TM4SF5: variants seen among roughly 807,000 people sequenced by gnomAD.
TM4SF5 encodes the protein transmembrane 4 L six family member 5.
Under a neutral mutation model 22.3 loss-of-function variants are expected in TM4SF5, and 16 were observed. The observed-to-expected ratio is 0.72, with a 90% CI of 0.49 to 1.09. The LOEUF (loss-of-function observed/expected upper bound fraction) is 1.09, where lower values mean the gene tolerates loss of function less well. Among genes scored for constraint, TM4SF5 ranks in the 50% least tolerant of loss-of-function variants. TM4SF5 has a pLI of 0.00. For missense variants in TM4SF5, 249 were observed against 266.1 expected (o/e 0.94, Z 0.45); for synonymous variants, 113 against 109.6 (o/e 1.03, Z -0.19).
intron 1 of TM4SF5, among the ~76,000 whole-genome samples, chr17:4,775,095 G>A (rs908083611): frequency 4.0e-5 from 6 of 151,286 alleles, no homozygotes; most frequent in African/African-American, 1.5e-4. Context: ...AGCCTAAGGT[G>A]GGAACAAGCT....
At chr17:4,781,549 T>C (rs1315537684) in intron 2 of TM4SF5, among the ~76,000 whole-genome samples, 1 of 152,104 alleles carries the variant, frequency 6.6e-6, no homozygotes, top group East Asian at 1.9e-4. Context: ...ATAGTCTTGG[T>C]CTGTCACCCA....
At position 4,780,779 on chromosome 17, in the gene TM4SF5, T is replaced by A. The variant is rs371683186; in HGVS notation, c.178-10T>A. 1 of 1,606,774 alleles carries A rather than the reference T, an allele frequency of 6.2e-7. No homozygotes were observed. The highest frequency in any genetic ancestry group is 1.1e-5 in the South Asian group (1 of 89,462). On this transcript the variant is annotated splice_polypyrimidine_tract_variant and intron_variant, in intron 1 of 4. Transcript: ENST00000270560. ...GGGGACGTGCTATAACAATGACTCTTGTCCCACAGGTACTGTGTCCGGGGA... is the reference window on the plus strand; with the variant it reads ...GGGGACGTGCTATAACAATGACTCTAGTCCCACAGGTACTGTGTCCGGGGA...
At position 4,782,867 on chromosome 17, in the gene TM4SF5, C is replaced by T. The variant is rs756780785; in HGVS notation, c.409C>T (p.Leu137Phe). 1.2e-6 allele frequency: 2 copies of T among 1,612,850 alleles called. No individual in the cohort carries two copies. Among genetic ancestry groups the T allele is most frequent in the Non-Finnish European group, 1.7e-6 (2 of 1,179,346 alleles). Residue 137 changes from leucine to phenylalanine, a missense_variant, in exon 4 of 5, where the codon CTC becomes TTC. Leu to Phe is a conservative substitution (Grantham distance 22). Transcript: ENST00000270560. Reference sequence around the variant, plus strand: ...CCCCTCCCACAGGGGAGCTTACTTGCTCAACCGCACTCTATGGGATCGGTG... The same window carrying T: ...CCCCTCCCACAGGGGAGCTTACTTGTTCAACCGCACTCTATGGGATCGGTG... The part of the protein sequence containing the change: ...HFEDTAGAYL[L>F]NRTLWDRCEA...
At chr17:4,780,729 T>A in intron 1 of TM4SF5, 60 bp from the exon 2 acceptor site, 2 of 1,444,978 alleles carry the variant, frequency 1.4e-6, no homozygotes, top group Non-Finnish European at 1.9e-6. Context: ...TAGGCACTGA[T>A]GCAAGTCAGG....
chr17:4,777,145 C>A (rs906481844), intron 1 of TM4SF5, among the ~76,000 whole-genome samples: 1 of 149,382 alleles, frequency 6.7e-6, no homozygotes, highest in East Asian at 2.0e-4. Context: ...TACAGTGAGC[C>A]GAGATCATGC....
chr17:4,773,951 T>C (rs111452217), intron 1 of TM4SF5, among the ~76,000 whole-genome samples: 21,679 of 152,198 alleles, frequency 0.14, 1,692 homozygotes, highest in Admixed American at 0.18. Context: ...CATGGTGGCT[T>C]ACGCCTGTAA....
At position 4,782,538 on chromosome 17, in the gene TM4SF5, G is replaced by A. The variant is rs779976260; in HGVS notation, c.294G>A (p.Val98=). The A allele has an allele frequency of 1.2e-5, 19 of 1,613,994 alleles. No individual in the cohort carries two copies. The highest frequency in any genetic ancestry group is 3.3e-5 in the Admixed American group (2 of 59,982). ...CGGTCTTCTCCTCGGCGTTCGGGGT[G>A]CTTGGTGCCATCTACTGCCTCTCGG... ...LRSVFSSAFG[V]LGAIYCLSVS... The change falls in exon 3 of 5, where the codon GTG becomes GTA. Residue 98 remains valine (V), a synonymous_variant. Coordinates refer to ENST00000270560, the MANE Select transcript of TM4SF5 (RefSeq NM_003963.3).
intron 1 of TM4SF5, among the ~76,000 whole-genome samples, chr17:4,780,034 T>G (rs1230512000): frequency 1.3e-5 from 2 of 151,566 alleles, no homozygotes; most frequent in African/African-American, 4.9e-5. Context: ...TTATAAATAT[T>G]GAGTTACTCT....
At chr17:4,782,760 C>T (rs771398660) in intron 3 of TM4SF5, 94 bp from the exon 4 acceptor site, 4 of 1,570,700 alleles carry the variant, frequency 2.5e-6, no homozygotes, top group Non-Finnish European at 3.5e-6. Flanking sequence ...CGTGGGCTAC[C>T]TGGGCCTTAG....
chr17:4,782,057 A>G lies in TM4SF5; in HGVS notation c.259-446A>G, dbSNP rs73339952. ...TCCATAGAGAGTGCTGTGGTTCTGC[A>G]AGGACAGGTGCAGAAACAGAGTCCG... On this transcript the variant is annotated intron_variant, in intron 2 of 4. Transcript: ENST00000270560. 4.3e-3 allele frequency among the ~76,000 whole-genome samples: 653 copies of G among 150,174 alleles called. 6 individuals carry two copies. Among genetic ancestry groups the G allele is most frequent in the African/African-American group, 0.014 (576 of 40,986 alleles).
Position 4,782,445 on chromosome 17 carries a change from C to G in TM4SF5, c.259-58C>G, listed in dbSNP as rs1311955268. The G allele has an allele frequency of 6.9e-6, 11 of 1,599,270 alleles. No individual in the cohort carries two copies. In the South Asian group the frequency reaches 1.2e-4, roughly 18 times the overall value. On this transcript the variant is annotated intron_variant, in intron 2 of 4. Transcript: ENST00000270560. The stretch of plus-strand genomic sequence containing the variant: ...ATAATGCGTGGGGGCTGGCGCTGAG[C>G]GTCGTCACCCACAGGTGGGGAGATT...
intron 1 of TM4SF5, among the ~76,000 whole-genome samples, chr17:4,779,337 G>A (rs1917258941): frequency 6.6e-6 from 1 of 152,144 alleles, no homozygotes; most frequent in South Asian, 2.1e-4. Context: ...GCTGAGGCAG[G>A]AGGATCACTT....
chr17:4,776,182 G>A (rs1255612757), intron 1 of TM4SF5, among the ~76,000 whole-genome samples: 1 of 152,102 alleles, frequency 6.6e-6, no homozygotes, highest in East Asian at 1.9e-4. Flanking sequence ...TATTACGTTT[G>A]TGAGAGCCAC....
chr17:4,772,757 C>G (rs940642529), intron 1 of TM4SF5, among the ~76,000 whole-genome samples: 1 of 151,038 alleles, frequency 6.6e-6, no homozygotes. Flanking sequence ...TCTCTGTTGC[C>G]CAGGCTGGAG....
rs764187327 is a variant in TM4SF5 at position 4,782,608 on chromosome 17, G to A, written c.364G>A (p.Gly122Ser). The A allele has an allele frequency of 3.7e-6, 6 of 1,614,110 alleles. No individual in the cohort carries two copies. The Admixed American group carries it at 8.3e-5, about 22-fold the overall frequency. ...AAATGGACCCAGATGCTTAATGAACGGCGAGTGGGGCTACCACTTCGAAGA... is the reference window on the plus strand; with the variant it reads ...AAATGGACCCAGATGCTTAATGAACAGCGAGTGGGGCTACCACTTCGAAGA... Reference protein sequence around the residue: ...LRNGPRCLMNGEWGYHFEDTA... With the variant: ...LRNGPRCLMNSEWGYHFEDTA... The change falls in exon 3 of 5, where the codon GGC (glycine) becomes AGC (serine). Residue 122 changes from glycine to serine, a missense_variant. Transcript: ENST00000270560.
intron 1 of TM4SF5, among the ~76,000 whole-genome samples, chr17:4,773,209 T>A (rs1917147434): frequency 6.6e-6 from 1 of 151,810 alleles, no homozygotes; most frequent in South Asian, 2.1e-4. Flanking sequence ...CAGCTTACAT[T>A]TTTTGTAGAG....
intron 2 of TM4SF5, among the ~76,000 whole-genome samples, chr17:4,781,597 C>G (rs1156408943): frequency 6.6e-6 from 1 of 152,114 alleles, no homozygotes; most frequent in Non-Finnish European, 1.5e-5. Flanking sequence ...CTCACTGCAG[C>G]TTCCGCCTCC....
chr17:4,780,794 G>A lies in TM4SF5; in HGVS notation c.183G>A (p.Leu61=). The A allele has an allele frequency of 6.2e-7, 1 of 1,610,558 alleles. No individual in the cohort carries two copies. Among genetic ancestry groups the A allele is most frequent in the Non-Finnish European group, 8.5e-7 (1 of 1,178,352 alleles). Residue 61 remains leucine, a synonymous_variant, in exon 2 of 5, where the codon CTG becomes CTA. Coordinates refer to ENST00000270560, the MANE Select transcript of TM4SF5 (RefSeq NM_003963.3). ...CAATGACTCTTGTCCCACAGGTACT[G>A]TGTCCGGGGATTGCAGCCGTTCGGG... is the stretch of plus-strand genomic sequence containing the variant. The part of the protein sequence containing the change: ...GGFIGGGLMV[L]CPGIAAVRAG...
At chr17:4,772,217 C>T (rs1917123682) in intron 1 of TM4SF5, 118 bp downstream of exon 1, 3 of 1,284,628 alleles carry the variant, frequency 2.3e-6, no homozygotes, top group East Asian at 2.4e-5. Context: ...ATGGCAATGG[C>T]TTCGTGGGGG....
Sources: allele counts gnomAD v4.1 joint callset (sites outside exome capture counted in the v4.1 genomes callset), GRCh38; gene constraint gnomAD v4.1.1; transcripts MANE v1.5; gene names NCBI Gene and HGNC (gene_info 2026-07-23, HGNC 2026-07-21).